SUGCT: variants seen among roughly 807,000 people sequenced by gnomAD.
SUGCT encodes the protein succinyl-CoA:glutarate-CoA transferase, also known as succinyl-CoA:glutarate CoA-transferase.
SUGCT carries 41 observed loss-of-function variants against 55.0 expected under a neutral mutation model. The observed-to-expected ratio is 0.74, with a 90% CI of 0.58 to 0.97. SUGCT has a LOEUF of 0.97. SUGCT is among the 50% of genes least tolerant of loss of function. The probability of loss-of-function intolerance (pLI) is 0.00; values close to 1 mark genes in which losing one functional copy is unlikely to be tolerated. For synonymous variants in SUGCT, 187 were observed against 200.4 expected (o/e 0.93, Z 0.56); for missense variants, 568 against 547.8 (o/e 1.04, Z -0.37).
At chr7:40,691,949 T>G (rs936561647) in intron 12 of SUGCT, among the ~76,000 whole-genome samples, 1 of 152,188 alleles carries the variant, frequency 6.6e-6, no homozygotes, top group African/African-American at 2.4e-5. Context: ...GGATTCTTAT[T>G]GAAATGATCT....
intron 9 of SUGCT, among the ~76,000 whole-genome samples, chr7:40,434,399 A>AT (rs1056633301): frequency 8.4e-4 from 125 of 149,394 alleles, no homozygotes; most frequent in Admixed American, 4.7e-3. Flanking sequence ...GGCTGGTCCC[A>AT]TTTTTTTTTT....
intron 11 of SUGCT, among the ~76,000 whole-genome samples, chr7:40,488,478 T>C (rs1257636977): frequency 6.6e-6 from 1 of 152,218 alleles, no homozygotes; most frequent in Non-Finnish European, 1.5e-5. Context: ...TTTTATCTTT[T>C]AACCTTCATT....
intron 12 of SUGCT, among the ~76,000 whole-genome samples, chr7:40,588,017 C>T (rs1797488390): frequency 6.6e-6 from 1 of 151,756 alleles, no homozygotes; most frequent in African/African-American, 2.4e-5. Context: ...ATTCTCCTGC[C>T]TCAGCCTTCT....
At chr7:41,024,691 T>C in the SUGCT span, among the ~76,000 whole-genome samples, 1 of 150,010 alleles carries the variant, frequency 6.7e-6, no homozygotes, top group East Asian at 2.0e-4. Flanking sequence ...TGCCTCGTTA[T>C]AACAAGTAAG....
intron 13 of SUGCT, among the ~76,000 whole-genome samples, chr7:40,816,037 C>T (rs1459277046): frequency 6.6e-6 from 1 of 152,222 alleles, no homozygotes; most frequent in African/African-American, 2.4e-5. Context: ...CAGACCAGTT[C>T]CACGTTGCCA....
the SUGCT span, among the ~76,000 whole-genome samples, chr7:40,899,507 G>A: frequency 6.6e-6 from 1 of 152,286 alleles, no homozygotes; most frequent in South Asian, 2.1e-4. Context: ...GAGACAGAAA[G>A]CAAGAGCACA....
At chr7:40,717,306 G>A (rs559540491) in intron 12 of SUGCT, among the ~76,000 whole-genome samples, 2 of 152,314 alleles carry the variant, frequency 1.3e-5, no homozygotes, top group South Asian at 2.1e-4. Flanking sequence ...TTTATTGGGC[G>A]AAGGGGAAAA....
intron 12 of SUGCT, among the ~76,000 whole-genome samples, chr7:40,542,144 T>G (rs1794722829): frequency 6.6e-6 from 1 of 152,196 alleles, no homozygotes; most frequent in Non-Finnish European, 1.5e-5. Flanking sequence ...GAACAGTTAT[T>G]TAGCACTATG....
At chr7:40,975,075 C>T in the SUGCT span, among the ~76,000 whole-genome samples, 197 of 152,230 alleles carry the variant, frequency 1.3e-3, 1 homozygote, top group African/African-American at 4.6e-3. Flanking sequence ...AAGAATGAAT[C>T]AGTAACAAAT....
chr7:40,806,692 T>C (rs1791111799), intron 13 of SUGCT, among the ~76,000 whole-genome samples: 1 of 152,166 alleles, frequency 6.6e-6, no homozygotes, highest in African/African-American at 2.4e-5. Flanking sequence ...TCAACCAAAT[T>C]TCTTTAACTG....
In SUGCT at chr7:40,659,481, A is replaced by G. The variant is rs192989798; in HGVS notation, c.1090-89953A>G. 2.0e-5 allele frequency among the ~76,000 whole-genome samples: 3 copies of G among 152,286 alleles called. No homozygotes were observed. The East Asian group carries it at 5.8e-4, about 29-fold the overall frequency. On this transcript the variant is annotated intron_variant, in intron 12 of 13. Transcript: ENST00000335693. The stretch of plus-strand genomic sequence containing the variant: ...CCCAGAATATGTGAGCCAAGAGACC[A>G]AGGCAAAAGCTGCATGTGTTTTGTG...
chr7:40,901,534 G>A, the SUGCT span, among the ~76,000 whole-genome samples: 39 of 152,288 alleles, frequency 2.6e-4, no homozygotes, highest in African/African-American at 6.7e-4. Context: ...TCCCCAAGGC[G>A]TTCTGCAAGC....
intron 1 of SUGCT, among the ~76,000 whole-genome samples, chr7:40,135,397 C>A (rs1304692976): frequency 6.6e-6 from 1 of 152,246 alleles, no homozygotes; most frequent in African/African-American, 2.4e-5. Context: ...TTTGGGGCCT[C>A]TTTACTCCTG....
intron 6 of SUGCT, among the ~76,000 whole-genome samples, chr7:40,224,272 A>T (rs1410116606): frequency 6.6e-6 from 1 of 152,170 alleles, no homozygotes; most frequent in African/African-American, 2.4e-5. Flanking sequence ...GATTCCATGA[A>T]AATATATTTA....
chr7:40,500,510 A>G (rs2151528194), intron 12 of SUGCT, among the ~76,000 whole-genome samples: 1 of 152,316 alleles, frequency 6.6e-6, no homozygotes, highest in African/African-American at 2.4e-5. Flanking sequence ...CACCATCAAA[A>G]TTAATTTAAC....
chr7:40,854,446 T>TTCTTTCTTTCTTTCTTTCTG (rs1563050764), intron 13 of SUGCT, among the ~76,000 whole-genome samples: 1 of 146,930 alleles, frequency 6.8e-6, no homozygotes, highest in Non-Finnish European at 1.5e-5. Flanking sequence ...CTTTCTTTCT[T>TTCTTTCTTTCTTTCTTTCTG]TCTTTCTTTC....
chr7:40,757,608 G>A (rs188072080), intron 13 of SUGCT, among the ~76,000 whole-genome samples: 3 of 152,228 alleles, frequency 2.0e-5, no homozygotes, highest in Admixed American at 2.0e-4. Context: ...ATTTTCCTGG[G>A]GGAATATTTA....
At chr7:41,014,536 G>C in the SUGCT span, among the ~76,000 whole-genome samples, 17,502 of 152,132 alleles carry the variant, frequency 0.12, 2,216 homozygotes, top group African/African-American at 0.31. Context: ...ATCTAAGAAG[G>C]GTAAAAGACT....
chr7:40,854,884 T>C (rs1371937965), intron 13 of SUGCT, among the ~76,000 whole-genome samples: 1 of 152,044 alleles, frequency 6.6e-6, no homozygotes. Flanking sequence ...CGCAGTGAGC[T>C]ATGATAGTGC....
Sources: allele counts gnomAD v4.1 joint callset (sites outside exome capture counted in the v4.1 genomes callset), GRCh38; gene constraint gnomAD v4.1.1; transcripts MANE v1.5; gene names NCBI Gene and HGNC (gene_info 2026-07-23, HGNC 2026-07-21).